Variants in R3HCC1L observed in about 807,000 individuals in gnomAD.
R3HCC1L encodes R3H domain and coiled-coil containing 1 like, also known as coiled-coil domain-containing protein R3HCC1L.
In R3HCC1L, 51 loss-of-function variants were observed where a neutral mutation model predicts 59.9. The ratio of observed to expected loss-of-function variants is 0.85; its 90% CI spans 0.68 to 1.07. The LOEUF is 1.07. Ranked by LOEUF, R3HCC1L falls within the 50% of genes least tolerant of loss-of-function variation. The probability of loss-of-function intolerance (pLI) is 0.00; values close to 1 mark genes in which losing one functional copy is unlikely to be tolerated. For synonymous variants in R3HCC1L, 322 were observed against 315.2 expected (o/e 1.02, Z -0.23); for missense variants, 965 against 933.0 (o/e 1.03, Z -0.45).
chr10:98,160,112 C>G (rs1188702090), intron 2 of R3HCC1L, among the ~76,000 whole-genome samples: 2 of 152,178 alleles, frequency 1.3e-5, no homozygotes, highest in Non-Finnish European at 1.5e-5. Context: ...CCCTATTACT[C>G]ATATTTTTGC....
At chr10:98,225,524 A>G (rs1315732956) in intron 5 of R3HCC1L, among the ~76,000 whole-genome samples, 1 of 152,244 alleles carries the variant, frequency 6.6e-6, no homozygotes, top group Admixed American at 6.5e-5. Flanking sequence ...CAACAATATC[A>G]GTACCCTGGG....
chr10:98,225,059 ATT>A (rs899572101), intron 5 of R3HCC1L, among the ~76,000 whole-genome samples: 2 of 151,168 alleles, frequency 1.3e-5, no homozygotes, highest in South Asian at 2.1e-4. Flanking sequence ...TATTAAAGAC[ATT>A]TTTTTTTGTA....
chr10:98,235,964 T>A, intron 8 of R3HCC1L, 60 bp from the exon 9 acceptor site: 1 of 1,521,870 alleles, frequency 6.6e-7, no homozygotes, highest in East Asian at 2.3e-5. Flanking sequence ...TTAAATCACT[T>A]GAAGCTAGAG....
chr10:98,204,740 T>G (rs1293141077), intron 4 of R3HCC1L, among the ~76,000 whole-genome samples: 1 of 152,160 alleles, frequency 6.6e-6, no homozygotes, highest in African/African-American at 2.4e-5. Context: ...TATAACAATA[T>G]TACGTATCGT....
Position 98,209,234 on chromosome 10 carries a change from A to AAAGC in R3HCC1L, c.1122_1125dup (p.Cys376SerfsTer12). The stretch of plus-strand genomic sequence containing the variant: ...TAAGAATGTAGGTGACATTACCAAT[A>AAAGC]AAGCATGTATGATGGACACTACAGG... On this transcript the variant is annotated frameshift_variant, in exon 5 of 10. Transcript: ENST00000298999. LOFTEE classifies it high-confidence loss of function. 2 of 1,613,900 alleles carry AAAGC rather than the reference A, an allele frequency of 1.2e-6. No individual in the cohort carries two copies. The highest frequency in any genetic ancestry group is 1.7e-6 in the Non-Finnish European group (2 of 1,179,992).
At chr10:98,214,846 TGAA>T (rs1853985663) in intron 5 of R3HCC1L, among the ~76,000 whole-genome samples, 1 of 152,242 alleles carries the variant, frequency 6.6e-6, no homozygotes, top group African/African-American at 2.4e-5. Context: ...AAATCATTTC[TGAA>T]AATAAGTCTC....
intron 5 of R3HCC1L, among the ~76,000 whole-genome samples, chr10:98,223,859 T>G (rs1371353143): frequency 1.3e-5 from 2 of 152,084 alleles, no homozygotes; most frequent in Non-Finnish European, 2.9e-5. Flanking sequence ...GCATTTTACT[T>G]GGGTGTCAGC....
At chr10:98,228,444 G>A (rs556977324) in intron 5 of R3HCC1L, among the ~76,000 whole-genome samples, 1 of 151,950 alleles carries the variant, frequency 6.6e-6, no homozygotes. Flanking sequence ...TTTTTTTCTT[G>A]TAAATTTGTT....
rs185316970 is a variant in R3HCC1L, at chr10:98,243,474, A to G, written c.2270-617A>G. On this transcript the variant is annotated intron_variant, in intron 9 of 9. Transcript: ENST00000298999. ...CTTCTATATTAAAAATTGAAGATGA[A>G]TTATCCAGATTTGTATATTTTTTGT... Among the ~76,000 whole-genome samples the G allele has an allele frequency of 1.5e-3, 221 of 152,366 alleles. No individual in the cohort carries two copies. In the Middle Eastern group the frequency reaches 0.024, roughly 16 times the overall value.
intron 9 of R3HCC1L, among the ~76,000 whole-genome samples, chr10:98,241,449 T>C (rs1053941518): frequency 5.3e-5 from 8 of 152,204 alleles, no homozygotes; most frequent in African/African-American, 1.4e-4. Flanking sequence ...TGTTGATTGA[T>C]TTATTATATT....
rs1856835081 is a variant in R3HCC1L at position 98,235,528 on chromosome 10, T to TA, written c.2128+9dup. 2 of 1,594,254 alleles carry TA rather than the reference T, an allele frequency of 1.3e-6. No individual in the cohort carries two copies. Among genetic ancestry groups the TA allele is most frequent in the Non-Finnish European group, 1.7e-6 (2 of 1,171,512 alleles). On this transcript the variant is annotated intron_variant, in intron 8 of 9. Coordinates refer to ENST00000298999, the MANE Select transcript of R3HCC1L (RefSeq NM_001351015.2). ...AAGCTAGAGCTTATGCTGGTGAGTC[T>TA]ATAATCTCTGGGTTTTTTTCTTGCT...
intron 4 of R3HCC1L, among the ~76,000 whole-genome samples, chr10:98,183,709 T>C (rs545602296): frequency 6.6e-5 from 10 of 152,124 alleles, no homozygotes; most frequent in Non-Finnish European, 1.3e-4. Flanking sequence ...TCTGAGACTG[T>C]CTTGGTCTTC....
At chr10:98,202,356 A>G (rs1287151516) in intron 4 of R3HCC1L, among the ~76,000 whole-genome samples, 2 of 152,314 alleles carry the variant, frequency 1.3e-5, no homozygotes, top group African/African-American at 4.8e-5. Flanking sequence ...CATAGTAATT[A>G]TACAGTAGAA....
At chr10:98,243,479 C>G (rs1462879303) in intron 9 of R3HCC1L, among the ~76,000 whole-genome samples, 1 of 152,140 alleles carries the variant, frequency 6.6e-6, no homozygotes, top group Non-Finnish European at 1.5e-5. Context: ...GATGAATTAT[C>G]CAGATTTGTA....
rs560531589 is a variant in R3HCC1L at position 98,209,595 on chromosome 10, T to C, written c.1481T>C (p.Leu494Ser). 16 of 1,613,992 alleles carry C rather than the reference T, an allele frequency of 9.9e-6. No homozygotes were observed. The African/African-American group carries it at 2.0e-4, about 20-fold the overall frequency. The change falls in exon 5 of 10, where the codon TTA becomes TCA. Residue 494 changes from leucine (L) to serine (S), a missense_variant. Coordinates refer to ENST00000298999, the MANE Select transcript of R3HCC1L (RefSeq NM_001351015.2). The part of the protein sequence containing the change: ...NTFLDSELSM[L>S]NGTKVLSDSA... The stretch of plus-strand genomic sequence containing the variant: ...TTTTTGGACTCTGAACTCAGTATGT[T>C]AAATGGGACAAAAGTTCTTTCAGAC...
intron 5 of R3HCC1L, among the ~76,000 whole-genome samples, chr10:98,226,059 G>A (rs942398822): frequency 1.3e-5 from 2 of 152,068 alleles, no homozygotes; most frequent in African/African-American, 4.8e-5. Context: ...TGTTGCCCAG[G>A]CTGGTCTTGA....
At chr10:98,237,961 G>T (rs1297664972) in intron 9 of R3HCC1L, among the ~76,000 whole-genome samples, 2 of 152,120 alleles carry the variant, frequency 1.3e-5, no homozygotes, top group Non-Finnish European at 2.9e-5. Context: ...GTGTGACCTT[G>T]AGAGGGTAGG....
chr10:98,174,904 C>CA, intron 4 of R3HCC1L: 1 of 484,658 alleles, frequency 2.1e-6, no homozygotes, highest in Non-Finnish European at 2.7e-6. Flanking sequence ...ATTACCTTGG[C>CA]ATTCTCGGAG....
intron 8 of R3HCC1L, 82 bp downstream of exon 8, chr10:98,235,602 C>CT: frequency 5.0e-6 from 5 of 998,844 alleles, no homozygotes; most frequent in Admixed American, 3.0e-5. Flanking sequence ...ATCCAGACAT[C>CT]TAAAGACATA....
Sources: gnomAD v4.1 joint callset for allele counts (sites outside exome capture counted in the v4.1 genomes callset) on GRCh38, gnomAD v4.1.1 for gene constraint, MANE v1.5 for transcripts, NCBI Gene and HGNC (gene_info 2026-07-23, HGNC 2026-07-21) for gene names.